The following PAMR1 variants were observed in gnomAD, a reference collection of about 807,000 sequenced individuals.
The protein encoded by PAMR1 is inactive serine protease PAMR1.
PAMR1 carries 88 observed loss-of-function variants against 81.8 expected under a neutral mutation model. The observed-to-expected ratio is 1.08, with a 90% CI of 0.91 to 1.28. The LOEUF (loss-of-function observed/expected upper bound fraction) is 1.28. Ranked by LOEUF, PAMR1 falls within the 50% of genes most tolerant of loss-of-function variation. The pLI is 0.00. For synonymous variants in PAMR1, 336 were observed against 345.3 expected (o/e 0.97, Z 0.30); for missense variants, 935 against 919.7 (o/e 1.02, Z -0.21).
At chr11:35,480,302 A>G (rs1351852339) in intron 3 of PAMR1, among the ~76,000 whole-genome samples, 1 of 152,172 alleles carries the variant, frequency 6.6e-6, no homozygotes, top group Admixed American at 6.5e-5. Flanking sequence ...AGCATCTACC[A>G]CTTTGCTGCA....
intron 1 of PAMR1, among the ~76,000 whole-genome samples, chr11:35,509,107 A>G (rs1336712471): frequency 6.6e-6 from 1 of 152,180 alleles, no homozygotes; most frequent in Non-Finnish European, 1.5e-5. Context: ...GTTCCAAGCA[A>G]TATGGAGGTG....
chr11:35,461,635 C>CCA (rs372255422), intron 6 of PAMR1, among the ~76,000 whole-genome samples: 76 of 150,632 alleles, frequency 5.0e-4, no homozygotes, highest in African/African-American at 1.7e-3. Flanking sequence ...ACATACACAC[C>CCA]CACACACACA....
chr11:35,529,524 G>A (rs183898530), upstream of PAMR1, among the ~76,000 whole-genome samples: 10 of 152,260 alleles, frequency 6.6e-5, no homozygotes, highest in African/African-American at 1.2e-4. Flanking sequence ...TGGACCACTC[G>A]CTACCTGTGT....
intron 3 of PAMR1, among the ~76,000 whole-genome samples, chr11:35,478,651 T>TA (rs1850325697): frequency 6.6e-6 from 1 of 152,184 alleles, no homozygotes; most frequent in Non-Finnish European, 1.5e-5. Flanking sequence ...GCAGCCTGAC[T>TA]ACACCTCTCT....
chr11:35,521,454 G>A (rs892404407), intron 1 of PAMR1, among the ~76,000 whole-genome samples: 5 of 152,176 alleles, frequency 3.3e-5, no homozygotes, highest in African/African-American at 9.6e-5. Context: ...AAACATATGG[G>A]TTGAGAGGTG....
chr11:35,474,984 A>C (rs972917388), intron 3 of PAMR1, among the ~76,000 whole-genome samples: 3 of 152,218 alleles, frequency 2.0e-5, no homozygotes, highest in Non-Finnish European at 2.9e-5. Flanking sequence ...ACAATTTTCC[A>C]GCTGGGAAAA....
intron 3 of PAMR1, 29 bp from the exon 4 acceptor site, chr11:35,474,773 A>C (rs764615386): frequency 1.3e-6 from 2 of 1,485,868 alleles, no homozygotes; most frequent in Admixed American, 1.7e-5. Context: ...ATTGGGACAT[A>C]AAAATGGAGG....
intron 6 of PAMR1, among the ~76,000 whole-genome samples, chr11:35,463,670 G>A (rs542622783): frequency 1.2e-4 from 19 of 152,308 alleles, no homozygotes; most frequent in East Asian, 5.8e-4. Context: ...GCCTCAAGGC[G>A]GAGGAGGGGG....
At chr11:35,490,060 G>C (rs1263728196) in intron 3 of PAMR1, among the ~76,000 whole-genome samples, 1 of 152,234 alleles carries the variant, frequency 6.6e-6, no homozygotes, top group Non-Finnish European at 1.5e-5. Context: ...AATCATGGCA[G>C]AAGGCAAGGG....
chr11:35,471,274 TTG>T (rs959920657), intron 4 of PAMR1, among the ~76,000 whole-genome samples: 1 of 152,194 alleles, frequency 6.6e-6, no homozygotes, highest in African/African-American at 2.4e-5. Context: ...CCTTGACTTT[TTG>T]TGTGTCTATG....
At chr11:35,468,908 A>G (rs528121416) in intron 5 of PAMR1, among the ~76,000 whole-genome samples, 9 of 152,240 alleles carry the variant, frequency 5.9e-5, no homozygotes, top group Non-Finnish European at 1.3e-4. Flanking sequence ...GCTCAGTTCA[A>G]CAAACCTGTC....
intron 3 of PAMR1, among the ~76,000 whole-genome samples, chr11:35,475,239 A>T (rs1232125324): frequency 1.3e-5 from 2 of 152,198 alleles, no homozygotes; most frequent in Non-Finnish European, 2.9e-5. Context: ...TTATTCTATG[A>T]GTAGTTATGT....
intron 8 of PAMR1, 170 bp from the exon 9 acceptor site, chr11:35,436,305 G>T: frequency 1.7e-6 from 1 of 591,728 alleles, no homozygotes. Flanking sequence ...TTTGAGGCAG[G>T]GTCTCCCTCT....
At chr11:35,516,194 T>A (rs1391134000) in intron 1 of PAMR1, among the ~76,000 whole-genome samples, 2 of 152,192 alleles carry the variant, frequency 1.3e-5, no homozygotes, top group Admixed American at 1.3e-4. Flanking sequence ...GGGAAGTAAC[T>A]TGCTAAATAA....
intron 1 of PAMR1, 115 bp from the exon 2 acceptor site, chr11:35,494,387 G>A (rs1850685657): frequency 1.5e-5 from 12 of 819,168 alleles, no homozygotes; most frequent in Non-Finnish European, 2.0e-5. Flanking sequence ...AGGCTGGAGT[G>A]CAGTGGCGCG....
In PAMR1 at chr11:35,521,913, TG is replaced by T. The variant is rs201998319; in HGVS notation, c.73+3599del. 8.3e-3 allele frequency among the ~76,000 whole-genome samples: 1,252 copies of T among 151,308 alleles called. 18 individuals are homozygous for T. The highest frequency in any genetic ancestry group is 0.028 in the African/African-American group (1,154 of 41,214). ...ATTACCTTTCAAATCGTTTTTTGTTTGGTTTTTTTTTGTTTTGTTTTGTTTT... is the reference window on the plus strand; with the variant it reads ...ATTACCTTTCAAATCGTTTTTTGTTTGTTTTTTTTTGTTTTGTTTTGTTTT... On this transcript the variant is annotated intron_variant, in intron 1 of 10. Transcript: ENST00000619888.
intron 6 of PAMR1, chr11:35,451,983 T>C (rs561413492): frequency 3.1e-6 from 2 of 647,892 alleles, no homozygotes; most frequent in South Asian, 3.6e-5. Flanking sequence ...CAGTCTATGG[T>C]ATTCTCTTGT....
rs12575854 is a variant in PAMR1, at chr11:35,517,416, C to T, written c.73+8097G>A. On this transcript the variant is annotated intron_variant, in intron 1 of 10. Coordinates refer to ENST00000619888, the MANE Select transcript of PAMR1 (RefSeq NM_001001991.3). Reference sequence around the variant, plus strand: ...TTTCAAAGTCCCTTCCTACCCTTTCCTCTGTAATGGTGAGATATTCTTCCA... The same window carrying T: ...TTTCAAAGTCCCTTCCTACCCTTTCTTCTGTAATGGTGAGATATTCTTCCA... Among the ~76,000 whole-genome samples, 778 of 152,298 alleles carry T rather than the reference C, an allele frequency of 5.1e-3. 13 individuals carry two copies. The East Asian group carries it at 0.064, about 13-fold the overall frequency.
chr11:35,453,760 A>G (rs1856468900), intron 6 of PAMR1, among the ~76,000 whole-genome samples: 2 of 152,024 alleles, frequency 1.3e-5, no homozygotes, highest in Non-Finnish European at 1.5e-5. Context: ...CTTCAGTGGG[A>G]TGGGTTTTTT....
Sources: gnomAD v4.1 joint callset for allele counts (sites outside exome capture counted in the v4.1 genomes callset) on GRCh38, gnomAD v4.1.1 for gene constraint, MANE v1.5 for transcripts, NCBI Gene and HGNC (gene_info 2026-07-23, HGNC 2026-07-21) for gene names.